The following NAV2 variants were observed in gnomAD, a reference collection of about 807,000 sequenced individuals.
The protein encoded by NAV2 is neuron navigator 2.
NAV2 carries 54 observed loss-of-function variants against 223.2 expected under a neutral mutation model. That is an observed-to-expected ratio of 0.24 (90% CI 0.19 to 0.30). NAV2 has a LOEUF of 0.30. Ranked by LOEUF, NAV2 falls within the 10% of genes least tolerant of loss-of-function variation. The pLI, the probability that NAV2 is intolerant of heterozygous loss-of-function variation, is 1.00. For synonymous variants in NAV2, 1,279 were observed against 1,239.3 expected (o/e 1.03, Z -0.67); for missense variants, 2,806 against 3,147.5 (o/e 0.89, Z 2.60).
intron 1 of NAV2, among the ~76,000 whole-genome samples, chr11:19,372,061 G>A (rs531026723): frequency 6.6e-6 from 1 of 152,234 alleles, no homozygotes; most frequent in South Asian, 2.1e-4. Context: ...TTACAGGCAT[G>A]AGCCACTGCA....
chr11:20,078,149 T>G, intron 24 of NAV2, 45 bp downstream of exon 24: 2 of 1,368,754 alleles, frequency 1.5e-6, no homozygotes, highest in Non-Finnish European at 2.1e-6. Flanking sequence ...CTGCCTGCCC[T>G]TAGGAGCCCT....
At chr11:19,667,432 T>C (rs2048446042) in intron 1 of NAV2, among the ~76,000 whole-genome samples, 1 of 152,188 alleles carries the variant, frequency 6.6e-6, no homozygotes, top group South Asian at 2.1e-4. Flanking sequence ...CCAATCCAGA[T>C]GGCCAATACC....
chr11:19,944,994 CA>C (rs2046769134), intron 8 of NAV2, among the ~76,000 whole-genome samples: 76 of 100,332 alleles, frequency 7.6e-4, no homozygotes, highest in Non-Finnish European at 1.2e-3. Context: ...TTTCCCTTTC[CA>C]TTTCCATTTT....
chr11:19,384,074 CTG>C (rs1456206443), intron 1 of NAV2, among the ~76,000 whole-genome samples: 8 of 152,218 alleles, frequency 5.3e-5, no homozygotes, highest in African/African-American at 1.7e-4. Context: ...TAATAGAAGA[CTG>C]TGCAAAACAT....
At chr11:19,348,157 G>T (rs779908384), upstream of NAV2, among the ~76,000 whole-genome samples, 3 of 152,192 alleles carry the variant, frequency 2.0e-5, no homozygotes, top group Non-Finnish European at 4.4e-5. Context: ...GTGTGCGCCG[G>T]CTGGTGTGAT....
At chr11:19,378,789 A>G (rs1277982231) in intron 1 of NAV2, among the ~76,000 whole-genome samples, 3 of 152,108 alleles carry the variant, frequency 2.0e-5, no homozygotes, top group African/African-American at 4.8e-5. Context: ...AAGGGCGTGC[A>G]GCAGCTTCTG....
At chr11:20,049,664 T>A (rs1420370505) in intron 15 of NAV2, among the ~76,000 whole-genome samples, 172 bp from the exon 16 acceptor site, 2 of 151,990 alleles carry the variant, frequency 1.3e-5, no homozygotes, top group African/African-American at 2.4e-5. Flanking sequence ...AAATTAAAAG[T>A]GTTCTCAGAG....
intron 6 of NAV2, among the ~76,000 whole-genome samples, chr11:19,901,161 G>T (rs772410837): frequency 2.6e-5 from 4 of 152,146 alleles, no homozygotes; most frequent in Non-Finnish European, 5.9e-5. Flanking sequence ...TTGAATAAAA[G>T]CCTAGAAGTT....
chr11:19,487,573 C>T (rs1362475622), intron 1 of NAV2, among the ~76,000 whole-genome samples: 1 of 152,152 alleles, frequency 6.6e-6, no homozygotes, highest in Non-Finnish European at 1.5e-5. Flanking sequence ...TCTTGGACTG[C>T]TTGCTTTGGT....
intron 1 of NAV2, among the ~76,000 whole-genome samples, chr11:19,435,911 C>T (rs185138901): frequency 6.6e-4 from 101 of 152,060 alleles, no homozygotes; most frequent in Middle Eastern, 3.4e-3. Context: ...TTTTTTAATA[C>T]GGTTATTTGT....
chr11:19,378,785 G>A (rs549992479), intron 1 of NAV2, among the ~76,000 whole-genome samples: 35 of 152,246 alleles, frequency 2.3e-4, no homozygotes, highest in Non-Finnish European at 3.5e-4. Flanking sequence ...TGCTAAGGGC[G>A]TGCAGCAGCT....
chr11:20,080,893 C>G (rs1182619170), intron 25 of NAV2, among the ~76,000 whole-genome samples: 1 of 152,162 alleles, frequency 6.6e-6, no homozygotes, highest in Non-Finnish European at 1.5e-5. Context: ...AATTCCACCC[C>G]TCACTCTCCA....
rs186206665 is a variant in NAV2 at position 19,546,105 on chromosome 11, A to G, written c.75+195078A>G. The stretch of plus-strand genomic sequence containing the variant: ...GGAGCTCAATTTTAAAACCAAGCAG[A>G]GTCATTCTCCAGGAAACCACACCAA... On this transcript the variant is annotated intron_variant, in intron 1 of 37. Coordinates refer to the NAV2 transcript ENST00000360655. 9.3e-4 allele frequency among the ~76,000 whole-genome samples: 142 copies of G among 152,244 alleles called. 1 individual carries two copies. Among genetic ancestry groups the G allele is most frequent in the African/African-American group, 3.1e-3 (127 of 41,546 alleles).
intron 1 of NAV2, among the ~76,000 whole-genome samples, chr11:19,667,047 C>G (rs948328892): frequency 1.3e-5 from 2 of 152,166 alleles, no homozygotes; most frequent in African/African-American, 4.8e-5. Flanking sequence ...TACCCCAACC[C>G]CCAGACTAGA....
At chr11:19,429,646 T>G (rs1850971098) in intron 1 of NAV2, among the ~76,000 whole-genome samples, 2 of 152,248 alleles carry the variant, frequency 1.3e-5, no homozygotes. Context: ...AAGGGAGCAC[T>G]GTTGGCTGGG....
intron 36 of NAV2, among the ~76,000 whole-genome samples, chr11:20,108,422 G>A (rs2062336095): frequency 6.6e-6 from 1 of 152,030 alleles, no homozygotes; most frequent in African/African-American, 2.4e-5. Flanking sequence ...CCTCCTGCCT[G>A]ACAGCAGTTG....
At chr11:20,032,354 A>G (rs1396835362) in intron 11 of NAV2, among the ~76,000 whole-genome samples, 1 of 152,220 alleles carries the variant, frequency 6.6e-6, no homozygotes, top group Non-Finnish European at 1.5e-5. Context: ...CCAGGCACTG[A>G]TATGGGAAGA....
chr11:19,393,695 T>C (rs1849331103), intron 1 of NAV2, among the ~76,000 whole-genome samples: 1 of 152,224 alleles, frequency 6.6e-6, no homozygotes, highest in African/African-American at 2.4e-5. Context: ...GACAAAAATC[T>C]AAGGAAAAAG....
At chr11:19,990,828 T>C (rs142585074) in intron 11 of NAV2, among the ~76,000 whole-genome samples, 3 of 152,352 alleles carry the variant, frequency 2.0e-5, no homozygotes, top group African/African-American at 7.2e-5. Context: ...ATGTGGCCAG[T>C]GCTCTCCTAG....
Sources: allele counts gnomAD v4.1 joint callset (sites outside exome capture counted in the v4.1 genomes callset), GRCh38; gene constraint gnomAD v4.1.1; transcripts MANE v1.5; gene names NCBI Gene and HGNC (gene_info 2026-07-23, HGNC 2026-07-21).